RNF111: variants seen among roughly 807,000 people sequenced by gnomAD.
The protein encoded by RNF111 is E3 ubiquitin-protein ligase Arkadia.
Under a neutral mutation model 95.1 loss-of-function variants are expected in RNF111, and 17 were observed. The observed-to-expected ratio is 0.18, with a 90% CI of 0.12 to 0.27. RNF111 has a LOEUF of 0.27. RNF111 is among the 10% of genes least tolerant of loss of function. The probability of loss-of-function intolerance (pLI) is 1.00; values close to 1 mark genes in which losing one functional copy is unlikely to be tolerated. For synonymous variants in RNF111, 440 were observed against 414.8 expected (o/e 1.06, Z -0.74); for missense variants, 1,189 against 1,210.4 (o/e 0.98, Z 0.26).
chr15:59,087,760 A>G (rs115227518), intron 10 of RNF111, among the ~76,000 whole-genome samples: 50 of 152,344 alleles, frequency 3.3e-4, no homozygotes, highest in African/African-American at 6.5e-4. Flanking sequence ...CAGAAAATCT[A>G]CATGTAAGCA....
intron 5 of RNF111, among the ~76,000 whole-genome samples, chr15:59,061,480 A>G (rs1188772423): frequency 6.6e-6 from 1 of 152,202 alleles, no homozygotes; most frequent in African/African-American, 2.4e-5. Flanking sequence ...GCCTATTTCA[A>G]AACACTCTCC....
chr15:59,046,745 T>A (rs558414025), intron 2 of RNF111, among the ~76,000 whole-genome samples: 1 of 152,162 alleles, frequency 6.6e-6, no homozygotes, highest in Non-Finnish European at 1.5e-5. Flanking sequence ...TTAGAGACTT[T>A]CGTGCTTCAA....
chr15:59,037,253 T>C (rs1213816611), intron 2 of RNF111, among the ~76,000 whole-genome samples: 3 of 152,222 alleles, frequency 2.0e-5, no homozygotes, highest in African/African-American at 7.2e-5. Context: ...CAAAGTGATA[T>C]GTTACTTGGG....
intron 2 of RNF111, among the ~76,000 whole-genome samples, chr15:59,033,683 T>C (rs1215331145): frequency 6.6e-6 from 1 of 152,188 alleles, no homozygotes; most frequent in Non-Finnish European, 1.5e-5. Flanking sequence ...TGAATGTCAT[T>C]ATCAGTGCCA....
chr15:59,059,563 T>A (rs564836048), intron 5 of RNF111, among the ~76,000 whole-genome samples: 8 of 152,314 alleles, frequency 5.3e-5, no homozygotes, highest in African/African-American at 1.7e-4. Context: ...TTTGGTGATA[T>A]CCATTTTCTG....
chr15:59,012,475 C>G (rs2039872346), intron 1 of RNF111, among the ~76,000 whole-genome samples: 1 of 152,142 alleles, frequency 6.6e-6, no homozygotes, highest in African/African-American at 2.4e-5. Flanking sequence ...GGTATACACA[C>G]TTGGGCATAT....
intron 7 of RNF111, among the ~76,000 whole-genome samples, chr15:59,078,962 A>AT (rs1179778352): frequency 2.0e-5 from 3 of 152,222 alleles, no homozygotes; most frequent in Non-Finnish European, 2.9e-5. Context: ...TGCAGTGAGT[A>AT]AATGTTGGAA....
intron 2 of RNF111, among the ~76,000 whole-genome samples, chr15:59,041,588 A>G (rs542803137): frequency 1.4e-4 from 22 of 152,278 alleles, no homozygotes; most frequent in Admixed American, 5.2e-4. Flanking sequence ...ACTGCAATAA[A>G]TAGCTTTTTG....
At chr15:58,998,189 CACCGT>C (rs1471017650) in intron 1 of RNF111, among the ~76,000 whole-genome samples, 2 of 152,008 alleles carry the variant, frequency 1.3e-5, no homozygotes, top group Non-Finnish European at 1.5e-5. Context: ...AGGCATGAGC[CACCGT>C]GTCTGGCCAA....
At position 59,094,846 on chromosome 15, in the gene RNF111, G is replaced by T; in HGVS notation, c.2907G>T (p.Lys969Asn). Residue 969 changes from lysine to asparagine, a missense_variant, in exon 14 of 14, where the codon AAG (lysine) becomes AAT (asparagine). Lys to Asn is a moderately conservative substitution (Grantham distance 94). Transcript: ENST00000348370. ...VCVDQWLITN[K>N]KCPICRVDIE... ...TTGACCAATGGTTGATTACCAATAA[G>T]AAGTGCCCCATATGCAGAGTGGACA... The T allele has an allele frequency of 6.2e-7, 1 of 1,613,372 alleles. No individual in the cohort carries two copies. Among genetic ancestry groups the T allele is most frequent in the Non-Finnish European group, 8.5e-7 (1 of 1,179,534 alleles).
intron 8 of RNF111, 146 bp from the exon 9 acceptor site, chr15:59,083,973 ATTTTATATGT>A (rs1231565442): frequency 2.8e-5 from 14 of 507,488 alleles, no homozygotes; most frequent in African/African-American, 2.6e-4. Context: ...TTAACAAATA[ATTTTATATGT>A]TTTTATAATT....
In RNF111 at chr15:59,008,042, A is replaced by G. The variant is rs551257211; in HGVS notation, c.-20+19974A>G. On this transcript the variant is annotated intron_variant, in intron 1 of 13. Transcript: ENST00000348370. ...CTTACTAATTTTTTTAAGAAATGGT[A>G]GTACTTTCTGTATCCTGTGAAATCT... is the stretch of plus-strand genomic sequence containing the variant. Among the ~76,000 whole-genome samples, 300 of 152,290 alleles carry G rather than the reference A, an allele frequency of 2.0e-3. 1 individual carries two copies. Among genetic ancestry groups the G allele is most frequent in the Non-Finnish European group, 3.4e-3 (231 of 68,028 alleles).
chr15:59,030,090 G>A (rs1246706353), intron 1 of RNF111, among the ~76,000 whole-genome samples: 1 of 152,150 alleles, frequency 6.6e-6, no homozygotes, highest in African/African-American at 2.4e-5. Flanking sequence ...GATGTTGAAT[G>A]ATTTAGATAG....
rs76304702 is a variant in RNF111, at chr15:59,038,233, T to C, written c.880+6531T>C. 6.1e-3 allele frequency among the ~76,000 whole-genome samples: 924 copies of C among 152,314 alleles called. 24 individuals are homozygous for C. The highest frequency in any genetic ancestry group is 0.034 in the East Asian group (175 of 5,188). On this transcript the variant is annotated intron_variant, in intron 2 of 13. Coordinates refer to ENST00000348370, the MANE Select transcript of RNF111 (RefSeq NM_017610.8). ...TGAGGTATGGCACGCACTGACTCCA[T>C]GAGTGATGCATCACTAGAAACTTTG...
intron 2 of RNF111, among the ~76,000 whole-genome samples, chr15:59,051,185 G>A (rs1212452301): frequency 2.0e-5 from 3 of 152,326 alleles, no homozygotes; most frequent in Admixed American, 2.0e-4. Flanking sequence ...CTGGTGCGGT[G>A]GCTCACGCCT....
At chr15:59,055,651 A>G (rs750345539) in intron 3 of RNF111, 31 bp from the exon 4 acceptor site, 2 of 1,476,436 alleles carry the variant, frequency 1.4e-6, no homozygotes, top group Non-Finnish European at 1.8e-6. Flanking sequence ...CTTTATTTAT[A>G]TTTACTAACT....
intron 5 of RNF111, among the ~76,000 whole-genome samples, chr15:59,065,968 T>C (rs12442301): frequency 0.26 from 39,938 of 151,824 alleles, 5,336 homozygotes; most frequent in East Asian, 0.42. Context: ...TGTTGGTGGA[T>C]AGTGAGACTT....
rs569520675 is a variant in RNF111 at position 58,995,485 on chromosome 15, T to A, written c.-20+7417T>A. Among the ~76,000 whole-genome samples the A allele has an allele frequency of 2.6e-4, 39 of 149,080 alleles. No individual in the cohort carries two copies. The South Asian group carries it at 8.1e-3, about 31-fold the overall frequency. On this transcript the variant is annotated intron_variant, in intron 1 of 13. Transcript: ENST00000348370. Reference sequence around the variant, plus strand: ...CTCTTGTTTTTTTTTTTTGACGGAGTCTCACTCTTGTCTCCCAGGCTGGAG... The same window carrying A: ...CTCTTGTTTTTTTTTTTTGACGGAGACTCACTCTTGTCTCCCAGGCTGGAG...
Position 59,031,666 on chromosome 15 carries a change from A to G in RNF111, c.844A>G (p.Ser282Gly). The part of the protein sequence containing the change: ...EGEEDLFVSA[S>G]ENHQNNPAVP... ...AGAAGAAGATTTGTTTGTTTCTGCC[A>G]GTGAAAACCACCAAAACAATCCAGC... The change falls in exon 2 of 14, where the codon AGT (serine) becomes GGT (glycine). Residue 282 changes from serine to glycine, a missense_variant. Around this residue, in one of 2 missense-constraint regions of RNF111, gnomAD observed 1,024 missense variants for 925.9 expected, o/e 1.11. Transcript: ENST00000348370. The G allele has an allele frequency of 2.5e-6, 4 of 1,614,072 alleles. No individual in the cohort carries two copies. The highest frequency in any genetic ancestry group is 3.4e-6 in the Non-Finnish European group (4 of 1,179,988).
Sources: allele counts gnomAD v4.1 joint callset (sites outside exome capture counted in the v4.1 genomes callset), GRCh38; gene constraint gnomAD v4.1.1; regional missense constraint gnomAD v4.1.1; transcripts MANE v1.5; gene names NCBI Gene and HGNC (gene_info 2026-07-23, HGNC 2026-07-21).